The following ZNF674 variants were observed in gnomAD, a reference collection of about 807,000 sequenced individuals.
ZNF674 encodes zinc finger family member 674.
Under a neutral mutation model 7.0 loss-of-function variants are expected in ZNF674, and 2 were observed. The observed-to-expected ratio is 0.29, with a 90% CI of 0.12 to 0.90. ZNF674 has a LOEUF of 0.90. ZNF674 is among the 40% of genes least tolerant of loss of function. The pLI is 0.57. For synonymous variants in ZNF674, 103 were observed against 145.2 expected (o/e 0.71, Z 2.09); for missense variants, 297 against 415.5 (o/e 0.71, Z 2.48).
intron 3 of ZNF674, among the ~76,000 whole-genome samples, chrX:46,533,778 C>T (rs1191633959): frequency 3.3e-5 from 3 of 89,843 alleles, no homozygotes; most frequent in Admixed American, 1.3e-4. Flanking sequence ...CACTCCAGTC[C>T]TCCAGCCTGG....
At chrX:46,516,260 T>G (rs1471587194) in intron 5 of ZNF674, among the ~76,000 whole-genome samples, 1 of 111,474 alleles carries the variant, frequency 9.0e-6, no homozygotes, top group Non-Finnish European at 1.9e-5. Context: ...CTCTGACAAG[T>G]CAACAAAACC....
At chrX:46,541,361 C>CAAAAA (rs34440167) in intron 3 of ZNF674, among the ~76,000 whole-genome samples, 2 of 54,694 alleles carry the variant, frequency 3.7e-5, no homozygotes, top group Non-Finnish European at 3.4e-5. Context: ...AACTCCGTCA[C>CAAAAA]AAAAAAAAAA....
At chrX:46,516,768 G>A (rs1295465982) in intron 5 of ZNF674, among the ~76,000 whole-genome samples, 1 of 112,304 alleles carries the variant, frequency 8.9e-6, no homozygotes, top group Non-Finnish European at 1.9e-5. Flanking sequence ...AGGCCAAGGC[G>A]GGTGGATCAC....
At chrX:46,523,072 G>GTGTTCTAAATGCTCTTC (rs1278289833) in intron 5 of ZNF674, 1 of 221,160 alleles carries the variant, frequency 4.5e-6, no homozygotes, top group Non-Finnish European at 8.5e-6. Flanking sequence ...AAGTACGCAC[G>GTGTTCTAAATGCTCTTC]TGTTCTAAAT....
At chrX:46,534,666 G>T (rs771247280) in intron 3 of ZNF674, among the ~76,000 whole-genome samples, 1 of 109,810 alleles carries the variant, frequency 9.1e-6, no homozygotes, top group Non-Finnish European at 1.9e-5. Context: ...CAGCCTTAGA[G>T]ATTTAAATGT....
Position 46,512,450 on chromosome X carries a change from A to C in ZNF674, c.239-11115T>G, listed in dbSNP as rs186648027. Among the ~76,000 whole-genome samples the C allele has an allele frequency of 4.9e-3, 534 of 109,155 alleles. 6 individuals are homozygous for C. Among genetic ancestry groups the C allele is most frequent in the South Asian group, 0.032 (82 of 2,579 alleles). 94.8% of individuals were successfully genotyped at this position (109,155 alleles called of 115,157 possible). A position where few individuals can be genotyped will look rare whatever the true frequency, so the allele number is the denominator to read the frequency against. On this transcript the variant is annotated intron_variant, in intron 5 of 5. Transcript: ENST00000683375. ...AATATTTTTATGTGCTCAGCCCCCC[A>C]AAAAAAATACTTAAAATTACACAAA...
chrX:46,499,532 G>A lies in ZNF674; in HGVS notation c.*311C>T, dbSNP rs1941373902. On this transcript the variant is annotated 3_prime_UTR_variant, in exon 6 of 6. Transcript: ENST00000683375. The stretch of plus-strand genomic sequence containing the variant: ...CGGCATACATACTCTGATAAACAGT[G>A]CCATTTAAATTATTTCTGAAGGCTT... 2 of 173,613 alleles carry A rather than the reference G, an allele frequency of 1.2e-5. No individual in the cohort carries two copies. The highest frequency in any genetic ancestry group is 6.1e-5 in the African/African-American group (2 of 32,815). The allele number at this position is 173,613 out of a possible 1,213,427, so 14.3% of individuals were successfully genotyped here.
chrX:46,535,940 T>C (rs1230128746), intron 3 of ZNF674, among the ~76,000 whole-genome samples: 1 of 112,159 alleles, frequency 8.9e-6, no homozygotes, highest in African/African-American at 3.2e-5. Context: ...CATTAAATAA[T>C]AAGATATTGT....
intron 3 of ZNF674, among the ~76,000 whole-genome samples, chrX:46,532,581 C>T (rs1419688718): frequency 2.7e-5 from 3 of 111,845 alleles, no homozygotes; most frequent in Non-Finnish European, 5.6e-5. Flanking sequence ...AAGAATGATA[C>T]TGCCTTCACA....
intron 5 of ZNF674, among the ~76,000 whole-genome samples, chrX:46,517,428 A>C (rs1027203993): frequency 1.8e-5 from 2 of 111,832 alleles, no homozygotes; most frequent in Non-Finnish European, 3.8e-5. Context: ...AATTGCAAAA[A>C]ATAATAACCA....
chrX:46,518,721 A>T (rs1941816432), intron 5 of ZNF674, among the ~76,000 whole-genome samples: 1 of 58,254 alleles, frequency 1.7e-5, no homozygotes, highest in African/African-American at 5.5e-5. Flanking sequence ...TAAAAATACA[A>T]AAAAAAAAAA....
chrX:46,509,141 G>A (rs1437827905), intron 5 of ZNF674, among the ~76,000 whole-genome samples: 1 of 106,781 alleles, frequency 9.4e-6, no homozygotes, highest in Non-Finnish European at 1.9e-5. Context: ...ATTAATTCAA[G>A]ATGGATTAAA....
intron 2 of ZNF674, among the ~76,000 whole-genome samples, chrX:46,543,521 TG>T (rs1942327703): frequency 9.0e-6 from 1 of 110,866 alleles, no homozygotes; most frequent in South Asian, 3.8e-4. Context: ...TGGGGCTGGG[TG>T]GGTAACAGCC....
intron 3 of ZNF674, among the ~76,000 whole-genome samples, chrX:46,534,175 G>A (rs1238661774): frequency 9.1e-6 from 1 of 109,641 alleles, no homozygotes; most frequent in Non-Finnish European, 1.9e-5. Context: ...GGGGGAAACC[G>A]CCCCCATGAC....
At chrX:46,506,415 G>GGA (rs1556010826) in intron 5 of ZNF674, among the ~76,000 whole-genome samples, 4 of 90,428 alleles carry the variant, frequency 4.4e-5, no homozygotes, top group Admixed American at 1.2e-4. Flanking sequence ...CTTTGCATGG[G>GGA]AAAAAAAAAA....
At chrX:46,533,559 C>T (rs1303603276) in intron 3 of ZNF674, among the ~76,000 whole-genome samples, 1 of 108,584 alleles carries the variant, frequency 9.2e-6, no homozygotes, top group Non-Finnish European at 1.9e-5. Context: ...GTCAGGAGTT[C>T]GAGACCAGCC....
intron 5 of ZNF674, among the ~76,000 whole-genome samples, chrX:46,505,582 C>G (rs953435036): frequency 1.8e-5 from 2 of 111,306 alleles, no homozygotes; most frequent in Non-Finnish European, 3.8e-5. Context: ...ACCAGCCTGG[C>G]CAACATGGTG....
chrX:46,506,801 G>T (rs1011556947), intron 5 of ZNF674, among the ~76,000 whole-genome samples: 2 of 111,428 alleles, frequency 1.8e-5, no homozygotes, highest in African/African-American at 6.5e-5. Context: ...GAGGAAGGGG[G>T]CATGGCATAA....
At chrX:46,537,908 G>T (rs1183297252) in intron 3 of ZNF674, among the ~76,000 whole-genome samples, 1 of 111,496 alleles carries the variant, frequency 9.0e-6, no homozygotes, top group Non-Finnish European at 1.9e-5. Flanking sequence ...GGCCAGCAGG[G>T]TGAAACCCCG....
Sources: gnomAD v4.1 joint callset for allele counts (sites outside exome capture counted in the v4.1 genomes callset) on GRCh38, gnomAD v4.1.1 for gene constraint, MANE v1.5 for transcripts, NCBI Gene and HGNC (gene_info 2026-07-23, HGNC 2026-07-21) for gene names.